The following ATP2C1 variants were observed in gnomAD, a reference collection of about 807,000 sequenced individuals.
ATP2C1 encodes the protein ATPase secretory pathway Ca2+ transporting 1.
A neutral mutation model predicts 120.5 loss-of-function variants in ATP2C1; 31 were observed. The observed-to-expected ratio is 0.26, with a 90% CI of 0.19 to 0.35. The LOEUF is 0.35. ATP2C1 is among the 10% of genes least tolerant of loss of function. The pLI is 1.00. For missense variants in ATP2C1, 731 were observed against 1,107.5 expected (o/e 0.66, Z 4.83); for synonymous variants, 351 against 358.7 (o/e 0.98, Z 0.24).
chr3:130,948,771 C>T (rs2060251249), intron 8 of ATP2C1, among the ~76,000 whole-genome samples: 1 of 152,178 alleles, frequency 6.6e-6, no homozygotes, highest in South Asian at 2.1e-4. Flanking sequence ...ATTTTTCCAA[C>T]AGCATGGTGC....
chr3:130,852,936 A>T (rs984805213), intron 1 of ATP2C1, among the ~76,000 whole-genome samples: 6 of 152,194 alleles, frequency 3.9e-5, no homozygotes, highest in Non-Finnish European at 7.4e-5. Context: ...ACCACGCTTG[A>T]TCCCTGAACA....
chr3:130,991,358 T>C (rs1284603278), intron 20 of ATP2C1, among the ~76,000 whole-genome samples: 1 of 152,114 alleles, frequency 6.6e-6, no homozygotes, highest in Admixed American at 6.6e-5. Context: ...TTGAAAGTCA[T>C]GAATCGTGTT....
intron 2 of ATP2C1, among the ~76,000 whole-genome samples, chr3:130,903,717 C>G (rs2108021168): frequency 6.8e-6 from 1 of 146,590 alleles, no homozygotes; most frequent in Non-Finnish European, 1.5e-5. Context: ...CTTTCCTTTC[C>G]TTTCCTTTCC....
At chr3:130,889,094 A>C (rs996524575), upstream of ATP2C1, among the ~76,000 whole-genome samples, 1 of 152,240 alleles carries the variant, frequency 6.6e-6, no homozygotes, top group African/African-American at 2.4e-5. Context: ...TCAAGGGAGG[A>C]ATCAACCCTG....
intron 1 of ATP2C1, among the ~76,000 whole-genome samples, chr3:130,887,489 G>C (rs2069014205): frequency 6.6e-6 from 1 of 152,182 alleles, no homozygotes; most frequent in East Asian, 1.9e-4. Flanking sequence ...AAAAATCCTT[G>C]TATGTCTACC....
chr3:130,890,010 G>C (rs895732298), upstream of ATP2C1, among the ~76,000 whole-genome samples: 1 of 152,128 alleles, frequency 6.6e-6, no homozygotes, highest in Non-Finnish European at 1.5e-5. Flanking sequence ...TTGGATTTTA[G>C]TTTGATCATA....
At chr3:130,989,101 AG>A (rs1244655899) in intron 20 of ATP2C1, among the ~76,000 whole-genome samples, 1 of 152,036 alleles carries the variant, frequency 6.6e-6, no homozygotes, top group Non-Finnish European at 1.5e-5. Flanking sequence ...AAATACAAAA[AG>A]TAGCTGGGTA....
chr3:130,888,354 T>A (rs1002824091), intron 1 of ATP2C1, among the ~76,000 whole-genome samples: 1 of 152,190 alleles, frequency 6.6e-6, no homozygotes, highest in African/African-American at 2.4e-5. Context: ...TGTACCACCC[T>A]AGTCCAGTGG....
chr3:130,874,109 C>CA (rs532499817), intron 1 of ATP2C1, among the ~76,000 whole-genome samples: 11,691 of 97,636 alleles, frequency 0.12, 1,507 homozygotes, highest in African/African-American at 0.35. Context: ...GACTCTGTCT[C>CA]AAAAAAAAAA....
intron 2 of ATP2C1, among the ~76,000 whole-genome samples, chr3:130,907,537 A>T (rs2058190868): frequency 6.6e-6 from 1 of 152,046 alleles, no homozygotes; most frequent in African/African-American, 2.4e-5. Flanking sequence ...TTCTTTTTCC[A>T]TTGAATGTCT....
intron 20 of ATP2C1, among the ~76,000 whole-genome samples, chr3:130,981,241 T>C (rs568024630): frequency 1.3e-5 from 2 of 152,302 alleles, no homozygotes; most frequent in South Asian, 4.1e-4. Flanking sequence ...CTAATTCTTT[T>C]TTTGTCTCTG....
intron 1 of ATP2C1, among the ~76,000 whole-genome samples, chr3:130,862,698 C>G (rs1285914101): frequency 6.6e-6 from 1 of 152,168 alleles, no homozygotes; most frequent in African/African-American, 2.4e-5. Context: ...TAGGGATATT[C>G]CTGTATGTCA....
chr3:130,923,280 G>A (rs1321669931), intron 2 of ATP2C1, among the ~76,000 whole-genome samples: 1 of 151,614 alleles, frequency 6.6e-6, no homozygotes, highest in East Asian at 1.9e-4. Context: ...AGGCTGGAGT[G>A]TAGTGGTGCG....
At chr3:130,928,156 A>G (rs1471999393) in intron 2 of ATP2C1, 1 of 152,270 alleles carries the variant, frequency 6.6e-6, no homozygotes, top group Non-Finnish European at 1.5e-5. Flanking sequence ...CTCATGTGGA[A>G]TGACAAAGTT....
rs554251006 is a variant in ATP2C1 at position 130,878,546 on chromosome 3, G to T, written c.108+27618G>T. On this transcript the variant is annotated intron_variant, in intron 1 of 26. Coordinates refer to the ATP2C1 transcript ENST00000504381. ...TGACATTGTCCTTTAGCTTCCAAATGTGGGACTTTCTTAAGCATTTTTTGG... is the reference window on the plus strand; with the variant it reads ...TGACATTGTCCTTTAGCTTCCAAATTTGGGACTTTCTTAAGCATTTTTTGG... Among the ~76,000 whole-genome samples, 11 of 152,240 alleles carry T rather than the reference G, an allele frequency of 7.2e-5. No homozygotes were observed. In the South Asian group the frequency reaches 2.3e-3, roughly 32 times the overall value.
At chr3:130,937,516 C>T (rs2059722712) in intron 6 of ATP2C1, 53 bp downstream of exon 6, 2 of 1,483,312 alleles carry the variant, frequency 1.3e-6, no homozygotes, top group Non-Finnish European at 1.9e-6. Flanking sequence ...GCTTAAAAAT[C>T]AAGGTGTCTT....
chr3:130,987,899 G>T (rs2062099574), intron 20 of ATP2C1, among the ~76,000 whole-genome samples: 2 of 152,168 alleles, frequency 1.3e-5, no homozygotes, highest in African/African-American at 4.8e-5. Flanking sequence ...AGTTTTGCTT[G>T]TTATTAAGTC....
intron 26 of ATP2C1, among the ~76,000 whole-genome samples, chr3:130,998,688 A>G (rs1185016222): frequency 6.6e-6 from 1 of 152,240 alleles, no homozygotes; most frequent in Non-Finnish European, 1.5e-5. Context: ...TTATTTGAGC[A>G]TAGAACAAAC....
rs1028248896 is a variant in ATP2C1, at chr3:130,985,174, C to T, written c.1839+4495C>T. Among the ~76,000 whole-genome samples, 7 of 152,276 alleles carry T rather than the reference C, an allele frequency of 4.6e-5. No homozygotes were observed. The East Asian group carries it at 9.6e-4, about 21-fold the overall frequency. Reference sequence around the variant, plus strand: ...AGTCAACATTGTGATCATGCACTTTCGTGAAGTCAGATTTGCAAAACATGC... The same window carrying T: ...AGTCAACATTGTGATCATGCACTTTTGTGAAGTCAGATTTGCAAAACATGC... On this transcript the variant is annotated intron_variant, in intron 20 of 27. Transcript: ENST00000510168.
Sources: allele counts gnomAD v4.1 joint callset (sites outside exome capture counted in the v4.1 genomes callset), GRCh38; gene constraint gnomAD v4.1.1; transcripts MANE v1.5; gene names NCBI Gene and HGNC (gene_info 2026-07-23, HGNC 2026-07-21).